VAV2: variants seen among roughly 807,000 people sequenced by gnomAD.
VAV2 encodes guanine nucleotide exchange factor VAV2.
VAV2 carries 67 observed loss-of-function variants against 132.5 expected under a neutral mutation model. The observed-to-expected ratio is 0.51, with a 90% CI of 0.42 to 0.62. The LOEUF (loss-of-function observed/expected upper bound fraction) is 0.62, where lower values mean the gene tolerates loss of function less well. Ranked by LOEUF, VAV2 falls within the 20% of genes least tolerant of loss-of-function variation. The pLI is 0.00. For synonymous variants in VAV2, 492 were observed against 443.5 expected, an observed-to-expected ratio of 1.11 and a Z score of -1.37; for missense variants, 938 against 1,153.6, an observed-to-expected ratio of 0.81 and a Z score of 2.71.
At chr9:133,814,217 G>A (rs937175207) in intron 4 of VAV2, among the ~76,000 whole-genome samples, 12 of 152,206 alleles carry the variant, frequency 7.9e-5, no homozygotes, top group Admixed American at 7.2e-4. Context: ...CCCCAGCCAG[G>A]TCCGGCGACT....
At chr9:133,897,109 C>T (rs1839240198) in intron 2 of VAV2, among the ~76,000 whole-genome samples, 1 of 152,138 alleles carries the variant, frequency 6.6e-6, no homozygotes, top group South Asian at 2.1e-4. Context: ...AAAATCCCAA[C>T]CGAAACAGAT....
chr9:133,832,225 T>C (rs980648577), intron 4 of VAV2, among the ~76,000 whole-genome samples: 3 of 152,172 alleles, frequency 2.0e-5, no homozygotes, highest in Non-Finnish European at 4.4e-5. Flanking sequence ...AACAGAGGCA[T>C]GGGTGCTGAG....
intron 24 of VAV2, 101 bp from the exon 25 acceptor site, chr9:133,775,152 G>T: frequency 1.1e-6 from 1 of 928,436 alleles, no homozygotes; most frequent in Non-Finnish European, 1.6e-6. Context: ...GTACTCTGCA[G>T]TCCTCATCTG....
At chr9:133,820,181 G>A (rs963560026) in intron 4 of VAV2, among the ~76,000 whole-genome samples, 1 of 152,164 alleles carries the variant, frequency 6.6e-6, no homozygotes, top group Admixed American at 6.5e-5. Flanking sequence ...AGATCCTAGA[G>A]GCAGACACTA....
At chr9:133,944,623 G>C (rs1841294296) in intron 1 of VAV2, among the ~76,000 whole-genome samples, 1 of 152,248 alleles carries the variant, frequency 6.6e-6, no homozygotes, top group Non-Finnish European at 1.5e-5. Flanking sequence ...CAAGCAGTGA[G>C]CTCATGGGTA....
In VAV2 at chr9:133,798,824, C is replaced by T. The variant is rs527982592; in HGVS notation, c.837-1015G>A. ...CTTCAGGCAGGGAGACTGAGGCCTCCGTGAACTTGCTAGGAGCTGACAGTC... is the reference window on the plus strand; with the variant it reads ...CTTCAGGCAGGGAGACTGAGGCCTCTGTGAACTTGCTAGGAGCTGACAGTC... On this transcript the variant is annotated intron_variant, in intron 9 of 29. Coordinates refer to ENST00000371850, the MANE Select transcript of VAV2 (RefSeq NM_001134398.2). Among the ~76,000 whole-genome samples the T allele has an allele frequency of 1.0e-3, 152 of 152,332 alleles. 3 individuals are homozygous for T. In the South Asian group the frequency reaches 0.029, roughly 29 times the overall value.
At chr9:133,889,772 T>C (rs1215294661) in intron 2 of VAV2, among the ~76,000 whole-genome samples, 3 of 152,194 alleles carry the variant, frequency 2.0e-5, no homozygotes, top group Admixed American at 6.5e-5. Flanking sequence ...AAAAAATTTT[T>C]TTCTTCTCTG....
In VAV2 at chr9:133,791,564, G is replaced by A. The variant is rs542937268; in HGVS notation, c.1188+219C>T. Among the ~76,000 whole-genome samples, 5 of 144,108 alleles carry A rather than the reference G, an allele frequency of 3.5e-5. No homozygotes were observed. In the East Asian group the frequency reaches 1.2e-3, roughly 33 times the overall value. The allele number at this position is 144,108 out of a possible 152,430, so 94.5% of individuals were successfully genotyped here. A position where few individuals can be genotyped will look rare whatever the true frequency, so the allele number is the denominator to read the frequency against. On this transcript the variant is annotated intron_variant, in intron 13 of 29. Coordinates refer to ENST00000371850, the MANE Select transcript of VAV2 (RefSeq NM_001134398.2). Reference sequence around the variant, plus strand: ...GTCCCCCTCCCCCCGAGCACAGGCAGTCTTCAGTGCACAGGGCACTTGGGT... The same window carrying A: ...GTCCCCCTCCCCCCGAGCACAGGCAATCTTCAGTGCACAGGGCACTTGGGT...
intron 29 of VAV2, 142 bp from the exon 30 acceptor site, chr9:133,764,251 G>T: frequency 9.6e-7 from 1 of 1,037,852 alleles, no homozygotes; most frequent in East Asian, 2.6e-5. Context: ...AGAAGGACCT[G>T]GTGGAACCAT....
chr9:133,822,743 T>G (rs144040827), intron 4 of VAV2, among the ~76,000 whole-genome samples: 182 of 152,286 alleles, frequency 1.2e-3, no homozygotes, highest in African/African-American at 3.5e-3. Flanking sequence ...TCCCTCTTTT[T>G]GGGGGCTTCT....
At chr9:133,807,186 G>A (rs1012213234) in intron 8 of VAV2, 72 bp downstream of exon 8, 29 of 1,526,110 alleles carry the variant, frequency 1.9e-5, no homozygotes, top group Admixed American at 1.4e-4. Flanking sequence ...CCTGAGGACA[G>A]CAGGACATGT....
intron 23 of VAV2, among the ~76,000 whole-genome samples, chr9:133,776,444 G>A (rs1833814571): frequency 6.6e-6 from 1 of 152,164 alleles, no homozygotes; most frequent in Non-Finnish European, 1.5e-5. Context: ...CGGGGTGGGG[G>A]TCTGGTGGTG....
rs1432145536 is a variant in VAV2 at position 133,885,095 on chromosome 9, C to T, written c.322-23663G>A. ...ATAAGTTGGGCCCTTCTGGAGGGTT[C>T]TCTCCAGAGGACTGGCAAGCACAGC... On this transcript the variant is annotated intron_variant, in intron 2 of 29. Coordinates refer to ENST00000371850, the MANE Select transcript of VAV2 (RefSeq NM_001134398.2). The surrounding 1 kb of genome is among the most constrained non-coding windows in gnomAD (Gnocchi z 5.0). Among the ~76,000 whole-genome samples, 1 of 152,260 alleles carries T rather than the reference C, an allele frequency of 6.6e-6. No individual in the cohort carries two copies. Among genetic ancestry groups the T allele is most frequent in the Non-Finnish European group, 1.5e-5 (1 of 68,050 alleles).
intron 1 of VAV2, among the ~76,000 whole-genome samples, chr9:133,951,898 G>T (rs2132182577): frequency 6.6e-6 from 1 of 152,240 alleles, no homozygotes; most frequent in Non-Finnish European, 1.5e-5. Context: ...TGTAAACCCA[G>T]GGGCTTCTTT....
chr9:133,778,907 G>A lies in VAV2; in HGVS notation c.1763-18C>T. ...CTTGGGACCTGCAAAGGATAGGACA[G>A]CTCACTCAGTGACTCAGCAGCTCAC... is the stretch of plus-strand genomic sequence containing the variant. On this transcript the variant is annotated intron_variant, in intron 21 of 29. Transcript: ENST00000371850. 1 of 1,609,048 alleles carries A rather than the reference G, an allele frequency of 6.2e-7. No individual in the cohort carries two copies. Among genetic ancestry groups the A allele is most frequent in the South Asian group, 1.1e-5 (1 of 90,942 alleles).
intron 7 of VAV2, 44 bp from the exon 8 acceptor site, chr9:133,807,370 C>T (rs200165507): frequency 3.8e-5 from 59 of 1,561,702 alleles, no homozygotes; most frequent in Non-Finnish European, 4.7e-5. Flanking sequence ...TGCTGTTGCC[C>T]ACCCTCTCAA....
At chr9:133,957,627 G>C (rs762784404) in intron 1 of VAV2, among the ~76,000 whole-genome samples, 3 of 152,106 alleles carry the variant, frequency 2.0e-5, no homozygotes, top group Admixed American at 6.5e-5. Context: ...GGGCAGAGCA[G>C]GAAATGGAGG....
At chr9:133,786,553 A>C (rs1356175337) in intron 16 of VAV2, among the ~76,000 whole-genome samples, 1 of 152,208 alleles carries the variant, frequency 6.6e-6, no homozygotes, top group Non-Finnish European at 1.5e-5. Flanking sequence ...ACGAGGCCTG[A>C]CCACCCACTT....
intron 2 of VAV2, among the ~76,000 whole-genome samples, chr9:133,930,661 G>A (rs538851613): frequency 1.3e-5 from 2 of 152,372 alleles, no homozygotes; most frequent in East Asian, 1.9e-4. Flanking sequence ...CACGTGAGAT[G>A]CATCTTCTCT....
Sources: allele counts gnomAD v4.1 joint callset (sites outside exome capture counted in the v4.1 genomes callset), GRCh38; gene constraint gnomAD v4.1.1; non-coding constraint Gnocchi (gnomAD v3.1); transcripts MANE v1.5; gene names NCBI Gene and HGNC (gene_info 2026-07-23, HGNC 2026-07-21).